The following ST18 variants were observed in gnomAD, a reference collection of about 807,000 sequenced individuals.
ST18 encodes ST18 C2H2C-type zinc finger transcription factor.
Under a neutral mutation model 110.0 loss-of-function variants are expected in ST18, and 50 were observed. The observed-to-expected ratio is 0.45, with a 90% CI of 0.36 to 0.58. The LOEUF (loss-of-function observed/expected upper bound fraction) is 0.58, where lower values mean the gene tolerates loss of function less well. ST18 is among the 20% of genes least tolerant of loss of function. The pLI is 0.00. For missense variants in ST18, 1,306 were observed against 1,280.1 expected, an observed-to-expected ratio of 1.02 and a Z score of -0.31; for synonymous variants, 461 against 452.4, an observed-to-expected ratio of 1.02 and a Z score of -0.24.
At chr8:52,187,664 G>A (rs1007175778) in intron 8 of ST18, among the ~76,000 whole-genome samples, 2 of 152,156 alleles carry the variant, frequency 1.3e-5, no homozygotes, top group Admixed American at 6.5e-5. Context: ...CCTAGGAAAG[G>A]AAAGGCATTT....
chr8:52,308,067 G>A (rs949376820), intron 2 of ST18, among the ~76,000 whole-genome samples: 14 of 152,170 alleles, frequency 9.2e-5, no homozygotes, highest in East Asian at 5.8e-4. Context: ...CTTTGGAACC[G>A]TGTTGAAGGT....
intron 2 of ST18, among the ~76,000 whole-genome samples, chr8:52,288,952 A>G (rs994611887): frequency 6.6e-6 from 1 of 152,008 alleles, no homozygotes; most frequent in Non-Finnish European, 1.5e-5. Flanking sequence ...GCACCTAGAG[A>G]TTCATGGCAC....
intron 9 of ST18, among the ~76,000 whole-genome samples, chr8:52,176,311 C>A (rs536815755): frequency 3.9e-5 from 6 of 152,124 alleles, no homozygotes; most frequent in Admixed American, 3.9e-4. Context: ...CGTGAGCCAC[C>A]GCGCCTGGCC....
intron 2 of ST18, among the ~76,000 whole-genome samples, chr8:52,234,000 C>G (rs2092133327): frequency 6.6e-6 from 1 of 152,184 alleles, no homozygotes; most frequent in Non-Finnish European, 1.5e-5. Flanking sequence ...TCCCCAGTCC[C>G]CACAACCCCA....
intron 8 of ST18, among the ~76,000 whole-genome samples, chr8:52,200,798 G>A (rs777712433): frequency 3.1e-4 from 47 of 152,212 alleles, no homozygotes; most frequent in Non-Finnish European, 4.3e-4. Context: ...GAAGAGTCAA[G>A]GATGCCTCCA....
intron 3 of ST18, among the ~76,000 whole-genome samples, chr8:52,222,351 G>T (rs2087131638): frequency 6.6e-6 from 1 of 152,096 alleles, no homozygotes; most frequent in Non-Finnish European, 1.5e-5. Context: ...TGGTTAGTTG[G>T]TTCTCAGGGG....
intron 2 of ST18, among the ~76,000 whole-genome samples, chr8:52,253,967 G>T (rs1010920390): frequency 2.5e-5 from 3 of 120,536 alleles, no homozygotes; most frequent in Non-Finnish European, 5.2e-5. Flanking sequence ...GAGAGTGAAA[G>T]TGTGAGAGAT....
Position 52,372,557 on chromosome 8 carries a change from C to A in ST18, c.-465+36771G>T, listed in dbSNP as rs1396063863. Among the ~76,000 whole-genome samples, 3 of 152,232 alleles carry A rather than the reference C, an allele frequency of 2.0e-5. No homozygotes were observed. The East Asian group carries it at 5.8e-4, about 29-fold the overall frequency. ...AACTTCCATCCTGCACCTCCATTCACGGTAAGTGCCCTGTACAGGTGGACC... is the reference window on the plus strand; with the variant it reads ...AACTTCCATCCTGCACCTCCATTCAAGGTAAGTGCCCTGTACAGGTGGACC... On this transcript the variant is annotated intron_variant, in intron 2 of 25. Transcript: ENST00000689386.
chr8:52,322,116 C>T (rs1426634395), intron 2 of ST18, among the ~76,000 whole-genome samples: 1 of 152,120 alleles, frequency 6.6e-6, no homozygotes, highest in Non-Finnish European at 1.5e-5. Context: ...CAAGTTGGGT[C>T]AGTTAGGGTT....
chr8:52,173,061 A>G (rs527400106), intron 9 of ST18, among the ~76,000 whole-genome samples: 2 of 152,292 alleles, frequency 1.3e-5, no homozygotes, highest in South Asian at 4.1e-4. Context: ...ATGGCAATGT[A>G]TTTTCAAAGC....
chr8:52,131,525 G>A (rs187271971), intron 22 of ST18, among the ~76,000 whole-genome samples: 46 of 152,256 alleles, frequency 3.0e-4, no homozygotes, highest in Non-Finnish European at 4.3e-4. Flanking sequence ...CCTCCCAGTA[G>A]CAAAATAACT....
Position 52,399,729 on chromosome 8 carries a change from C to T in ST18, c.-465+9599G>A, listed in dbSNP as rs181005525. Among the ~76,000 whole-genome samples, 456 of 151,992 alleles carry T rather than the reference C, an allele frequency of 3.0e-3. 2 individuals are homozygous for T. Among genetic ancestry groups the T allele is most frequent in the Non-Finnish European group, 3.7e-3 (253 of 67,870 alleles). Reference sequence around the variant, plus strand: ...AACATGTTTAATCTCCACATATTTGCGAATTTTTCAAGATTCCTCCTGTTG... The same window carrying T: ...AACATGTTTAATCTCCACATATTTGTGAATTTTTCAAGATTCCTCCTGTTG... On this transcript the variant is annotated intron_variant, in intron 2 of 25. Coordinates refer to ENST00000689386, the MANE Select transcript of ST18 (RefSeq NM_001352837.2).
intron 2 of ST18, among the ~76,000 whole-genome samples, chr8:52,385,455 C>G (rs1471061552): frequency 6.6e-6 from 1 of 152,130 alleles, no homozygotes; most frequent in East Asian, 1.9e-4. Context: ...CAAAAATTAG[C>G]TGGGCGTGAT....
intron 2 of ST18, among the ~76,000 whole-genome samples, chr8:52,377,723 G>A (rs1832952927): frequency 1.3e-5 from 2 of 152,100 alleles, no homozygotes; most frequent in African/African-American, 2.4e-5. Context: ...ATAGAACTAT[G>A]ATATGATCCA....
intron 9 of ST18, among the ~76,000 whole-genome samples, chr8:52,177,449 T>A (rs77163205): frequency 0.012 from 1,837 of 152,184 alleles, 30 homozygotes; most frequent in African/African-American, 0.034. Flanking sequence ...GCCAGGTAAA[T>A]ACCCTGGGGT....
intron 2 of ST18, among the ~76,000 whole-genome samples, chr8:52,271,722 G>A (rs1381366199): frequency 6.6e-6 from 1 of 152,166 alleles, no homozygotes; most frequent in African/African-American, 2.4e-5. Context: ...GAAGACAGTA[G>A]CTATTTTTTA....
At chr8:52,239,182 A>ATAAC (rs1451028511) in intron 2 of ST18, among the ~76,000 whole-genome samples, 1 of 152,214 alleles carries the variant, frequency 6.6e-6, no homozygotes, top group Non-Finnish European at 1.5e-5. Flanking sequence ...GCCCAGGGTT[A>ATAAC]GGAGGAAGAT....
At chr8:52,293,234 G>A (rs983551986) in intron 2 of ST18, among the ~76,000 whole-genome samples, 1 of 152,218 alleles carries the variant, frequency 6.6e-6, no homozygotes, top group African/African-American at 2.4e-5. Context: ...CGATGCAGTG[G>A]AGCATCAGGA....
chr8:52,319,327 C>T (rs7010386), intron 2 of ST18, among the ~76,000 whole-genome samples: 21,424 of 151,962 alleles, frequency 0.14, 1,827 homozygotes, highest in African/African-American at 0.25. Context: ...TTCAAATCCT[C>T]TAAATCATTA....
Sources: allele counts gnomAD v4.1 joint callset (sites outside exome capture counted in the v4.1 genomes callset), GRCh38; gene constraint gnomAD v4.1.1; transcripts MANE v1.5; gene names NCBI Gene and HGNC (gene_info 2026-07-23, HGNC 2026-07-21).